PTPRK: variants seen among roughly 807,000 people sequenced by gnomAD.
The protein encoded by PTPRK is protein tyrosine phosphatase receptor type K.
In PTPRK, 75 loss-of-function variants were observed where a neutral mutation model predicts 178.0. The observed-to-expected ratio is 0.42, with a 90% CI of 0.35 to 0.51. The LOEUF is 0.51. PTPRK is among the 20% of genes least tolerant of loss of function. The pLI is 0.02. For synonymous variants in PTPRK, 637 were observed against 620.6 expected (o/e 1.03, Z -0.39); for missense variants, 1,441 against 1,797.8 (o/e 0.80, Z 3.59).
At chr6:128,043,401 T>C (rs983336002) in intron 13 of PTPRK, among the ~76,000 whole-genome samples, 20 of 151,890 alleles carry the variant, frequency 1.3e-4, no homozygotes, top group South Asian at 4.1e-4. Context: ...TTCTCATCCA[T>C]AGGAAGAGGG....
Position 128,241,570 on chromosome 6 carries a change from A to G in PTPRK, c.577+951T>C, listed in dbSNP as rs573585280. Among the ~76,000 whole-genome samples, 226 of 152,294 alleles carry G rather than the reference A, an allele frequency of 1.5e-3. 1 individual carries two copies. Among genetic ancestry groups the G allele is most frequent in the African/African-American group, 5.2e-3 (217 of 41,560 alleles). On this transcript the variant is annotated intron_variant, in intron 4 of 29. Coordinates refer to ENST00000368226, the MANE Select transcript of PTPRK (RefSeq NM_002844.4). ...AGATAACCCAGAATTCACGGGCCCT[A>G]TAAAATGCTGCTTTTGGGAAATATA... is the stretch of plus-strand genomic sequence containing the variant.
intron 1 of PTPRK, among the ~76,000 whole-genome samples, chr6:128,468,166 T>C (rs78110239): frequency 1.3e-5 from 2 of 152,158 alleles, no homozygotes; most frequent in Admixed American, 1.3e-4. Context: ...TAAAGACTAT[T>C]CTGATTAGAG....
chr6:128,142,912 T>C (rs1434560765), intron 7 of PTPRK, among the ~76,000 whole-genome samples: 2 of 152,092 alleles, frequency 1.3e-5, no homozygotes, highest in East Asian at 3.9e-4. Flanking sequence ...ATTTGGTACA[T>C]TGTTTCTTCA....
chr6:128,347,498 T>A (rs74735359), intron 2 of PTPRK, among the ~76,000 whole-genome samples: 5,757 of 152,182 alleles, frequency 0.038, 384 homozygotes, highest in African/African-American at 0.13. Flanking sequence ...ATATGTTGAT[T>A]TTTTTTCATT....
rs146571658 is a variant in PTPRK, at chr6:128,190,731, G to A, written c.869-6006C>T. On this transcript the variant is annotated intron_variant, in intron 6 of 29. Transcript: ENST00000368226. ...CCAGGCTGGTCTGAAACTCCAGACC[G>A]CAGGTGATCTGCCCACCTCAGCCTC... Among the ~76,000 whole-genome samples the A allele has an allele frequency of 5.3e-3, 812 of 151,948 alleles. 7 individuals carry two copies. Among genetic ancestry groups the A allele is most frequent in the African/African-American group, 0.019 (775 of 41,478 alleles).
intron 1 of PTPRK, among the ~76,000 whole-genome samples, chr6:128,517,800 C>T (rs1858309958): frequency 6.6e-6 from 1 of 152,176 alleles, no homozygotes; most frequent in Non-Finnish European, 1.5e-5. Context: ...ATTTGAAAGA[C>T]ATACTTCAGA....
chr6:128,069,282 T>C lies in PTPRK; in HGVS notation c.1884-1490A>G, dbSNP rs78706894. 3.0e-3 allele frequency among the ~76,000 whole-genome samples: 462 copies of C among 152,218 alleles called. 3 individuals are homozygous for C. The highest frequency in any genetic ancestry group is 0.011 in the African/African-American group (447 of 41,542). On this transcript the variant is annotated intron_variant, in intron 11 of 29. Coordinates refer to ENST00000368226, the MANE Select transcript of PTPRK (RefSeq NM_002844.4). ...CAGAACTTGTATTAATGTTAGAAAT[T>C]GTGATTTGAGCAAGCAAGGCAGAAG...
At chr6:128,270,206 T>G (rs997368382) in intron 3 of PTPRK, among the ~76,000 whole-genome samples, 12 of 152,106 alleles carry the variant, frequency 7.9e-5, no homozygotes, top group Non-Finnish European at 1.8e-4. Context: ...CATGTGTTAT[T>G]AAAATAAAAG....
At position 128,009,248 on chromosome 6, in the gene PTPRK, C is replaced by T; in HGVS notation, c.2215G>A (p.Glu739Lys). ...TGCTTGGCGGGATCTGGGATCACTT[C>T]TGGTTCTTCTGTTGCTGCTGCTAAA... ...ATKAAATEEP[E>K]VIPDPAKQTD... Residue 739 changes from glutamate (E) to lysine (K), a missense_variant, in exon 14 of 30, where the codon GAA becomes AAA. Coordinates refer to ENST00000368226, the MANE Select transcript of PTPRK (RefSeq NM_002844.4). The T allele has an allele frequency of 1.2e-6, 2 of 1,607,304 alleles. No homozygotes were observed. Among genetic ancestry groups the T allele is most frequent in the South Asian group, 1.1e-5 (1 of 90,700 alleles).
chr6:128,366,224 G>T (rs1022295315), intron 2 of PTPRK, among the ~76,000 whole-genome samples: 1 of 152,130 alleles, frequency 6.6e-6, no homozygotes, highest in Non-Finnish European at 1.5e-5. Flanking sequence ...GCAGGTGTTA[G>T]ATGATACTTT....
chr6:128,180,884 A>C (rs1406327600), intron 7 of PTPRK, among the ~76,000 whole-genome samples: 2 of 152,102 alleles, frequency 1.3e-5, no homozygotes, highest in African/African-American at 2.4e-5. Context: ...AGGGAGAAAA[A>C]TCACCTATGA....
At chr6:128,307,223 G>A (rs1243261423) in intron 3 of PTPRK, among the ~76,000 whole-genome samples, 2 of 142,904 alleles carry the variant, frequency 1.4e-5, no homozygotes, top group Admixed American at 6.9e-5. Context: ...ACACATACAA[G>A]ACAAACACAG....
chr6:128,247,052 T>C (rs1815593160), intron 3 of PTPRK, among the ~76,000 whole-genome samples: 1 of 152,192 alleles, frequency 6.6e-6, no homozygotes, highest in Admixed American at 6.6e-5. Context: ...GCCTGGGATC[T>C]ACTATCACGT....
intron 3 of PTPRK, among the ~76,000 whole-genome samples, chr6:128,258,724 G>T (rs535607301): frequency 4.6e-5 from 7 of 152,272 alleles, no homozygotes; most frequent in Non-Finnish European, 1.0e-4. Context: ...TAGAGACGGG[G>T]TAATTAGGTC....
At chr6:128,489,697 T>G (rs1271441273) in intron 1 of PTPRK, among the ~76,000 whole-genome samples, 1 of 152,228 alleles carries the variant, frequency 6.6e-6, no homozygotes, top group Non-Finnish European at 1.5e-5. Flanking sequence ...ATTACCTCAT[T>G]AAAAGGAGGA....
intron 3 of PTPRK, among the ~76,000 whole-genome samples, chr6:128,273,013 T>G (rs1290814813): frequency 2.0e-5 from 3 of 152,152 alleles, no homozygotes; most frequent in Non-Finnish European, 4.4e-5. Flanking sequence ...TATACACCAT[T>G]GAATACTATG....
At chr6:127,996,617 G>A (rs1353438768) in intron 17 of PTPRK, among the ~76,000 whole-genome samples, 1 of 152,068 alleles carries the variant, frequency 6.6e-6, no homozygotes, top group Non-Finnish European at 1.5e-5. Flanking sequence ...GATTACAGGT[G>A]CGTGCCACCA....
intron 3 of PTPRK, among the ~76,000 whole-genome samples, chr6:128,310,299 T>C (rs989820924): frequency 6.6e-6 from 1 of 152,140 alleles, no homozygotes; most frequent in Non-Finnish European, 1.5e-5. Context: ...CTCTCTGAAC[T>C]AGAGTGAGAC....
chr6:128,119,114 A>G (rs1004325609), intron 7 of PTPRK, among the ~76,000 whole-genome samples: 1 of 152,190 alleles, frequency 6.6e-6, no homozygotes, highest in Non-Finnish European at 1.5e-5. Context: ...TAAATAACAT[A>G]TAATCTAGTA....
Sources: allele counts gnomAD v4.1 joint callset (sites outside exome capture counted in the v4.1 genomes callset), GRCh38; gene constraint gnomAD v4.1.1; transcripts MANE v1.5; gene names NCBI Gene and HGNC (gene_info 2026-07-23, HGNC 2026-07-21).